The following TACC2 variants were observed in gnomAD, a reference collection of about 807,000 sequenced individuals.
TACC2 encodes the protein transforming acidic coiled-coil-containing protein 2.
TACC2 carries 137 observed loss-of-function variants against 227.3 expected under a neutral mutation model. The ratio of observed to expected loss-of-function variants is 0.60; its 90% CI spans 0.52 to 0.69. TACC2 has a LOEUF of 0.69. Ranked by LOEUF, TACC2 falls within the 30% of genes least tolerant of loss-of-function variation. The pLI, the probability that TACC2 is intolerant of heterozygous loss-of-function variation, is 0.00. For missense variants in TACC2, 3,470 were observed against 3,694.4 expected, an observed-to-expected ratio of 0.94 and a Z score of 1.57; for synonymous variants, 1,523 against 1,487.5, an observed-to-expected ratio of 1.02 and a Z score of -0.55.
At chr10:122,204,873 A>G (rs1160993716) in intron 8 of TACC2, among the ~76,000 whole-genome samples, 1 of 151,334 alleles carries the variant, frequency 6.6e-6, no homozygotes, top group Non-Finnish European at 1.5e-5. Context: ...TGGAGCCAGG[A>G]TCAGCCCAGG....
rs187236686 is a variant in TACC2, at chr10:122,101,058, T to G, written c.5573+12467T>G. Among the ~76,000 whole-genome samples the G allele has an allele frequency of 3.1e-3, 477 of 152,316 alleles. 3 individuals carry two copies. Among genetic ancestry groups the G allele is most frequent in the African/African-American group, 9.0e-3 (372 of 41,564 alleles). On this transcript the variant is annotated intron_variant, in intron 5 of 22. Transcript: ENST00000369005. ...TCCTTTCTGTAGCCTGACAATAATTTTAAGACAGGGGCAAGTGTATTACAG... is the reference window on the plus strand; with the variant it reads ...TCCTTTCTGTAGCCTGACAATAATTGTAAGACAGGGGCAAGTGTATTACAG...
chr10:122,037,384 A>G (rs1315771357), intron 2 of TACC2, among the ~76,000 whole-genome samples: 4 of 152,192 alleles, frequency 2.6e-5, no homozygotes, highest in Non-Finnish European at 4.4e-5. Flanking sequence ...TTGAGCCTGT[A>G]TGCTCACTCA....
At chr10:122,136,087 G>A (rs770802916) in intron 6 of TACC2, among the ~76,000 whole-genome samples, 3 of 152,194 alleles carry the variant, frequency 2.0e-5, no homozygotes, top group Non-Finnish European at 2.9e-5. Flanking sequence ...AGCACACATG[G>A]AACAAGGTTA....
At chr10:122,214,457 G>A (rs1276071347) in intron 9 of TACC2, among the ~76,000 whole-genome samples, 1 of 152,140 alleles carries the variant, frequency 6.6e-6, no homozygotes, top group African/African-American at 2.4e-5. Flanking sequence ...AAGCAGGGGA[G>A]GGTGGTGGGA....
intron 18 of TACC2, among the ~76,000 whole-genome samples, chr10:122,241,359 A>G (rs748125270): frequency 3.9e-5 from 6 of 152,142 alleles, no homozygotes; most frequent in Admixed American, 6.5e-5. Flanking sequence ...TGGCACAATC[A>G]TAGCTCACTG....
chr10:122,118,122 C>T (rs1290733065), intron 5 of TACC2, among the ~76,000 whole-genome samples: 1 of 150,472 alleles, frequency 6.6e-6, no homozygotes. Flanking sequence ...TCAAACTGTT[C>T]TCCTGCTTCA....
rs61493992 is a variant in TACC2 at position 122,141,347 on chromosome 10, G to A, written c.5700-2225G>A. On this transcript the variant is annotated intron_variant, in intron 6 of 22. Coordinates refer to ENST00000369005, the MANE Select transcript of TACC2 (RefSeq NM_206862.4). This position sits in a 1 kb window ranked among gnomAD's most constrained non-coding sequence, Gnocchi z 4.3. ...CAACAGGCGGTGGAAGGAGGGGGGC[G>A]CCTTTCTTAAATGAGCTGTTGAGTC... is the stretch of plus-strand genomic sequence containing the variant. Among the ~76,000 whole-genome samples the A allele has an allele frequency of 5.3e-5, 8 of 152,256 alleles. No homozygotes were observed. In the East Asian group the frequency reaches 1.2e-3, roughly 22 times the overall value.
intron 16 of TACC2, among the ~76,000 whole-genome samples, chr10:122,232,633 G>T (rs954131746): frequency 2.6e-5 from 4 of 152,170 alleles, no homozygotes; most frequent in Admixed American, 2.6e-4. Context: ...AGAGTAACTT[G>T]TATTGCTTTT....
Position 122,196,933 on chromosome 10 carries a change from CAAAAAAAAAAAA to C in TACC2, c.5971+1764_5971+1775del, listed in dbSNP as rs58473562. On this transcript the variant is annotated intron_variant, in intron 8 of 22. Transcript: ENST00000369005. ...CCTGGGTGACAGAGCGAGTCCGTCT[CAAAAAAAAAAAA>C]AAAAAACAAAAAAACAAAGAATAAA... 6.4e-5 allele frequency among the ~76,000 whole-genome samples: 5 copies of C among 78,240 alleles called. No homozygotes were observed. In the East Asian group the frequency reaches 1.8e-3, roughly 28 times the overall value. 51.3% of individuals were successfully genotyped at this position (78,240 alleles called of 152,430 possible).
Position 122,087,194 on chromosome 10 carries a change from C to T in TACC2, c.4694C>T (p.Ala1565Val), listed in dbSNP as rs748652112. ...ELASGLPSPA[A>V]TQELPVERAA... ...GCTTCAGGTCTTCCTTCACCAGCAGCTACTCAGGAGCTCCCTGTGGAGAGA... is the reference window on the plus strand; with the variant it reads ...GCTTCAGGTCTTCCTTCACCAGCAGTTACTCAGGAGCTCCCTGTGGAGAGA... Residue 1565 changes from alanine to valine, a missense_variant, in exon 4 of 23, where the codon GCT becomes GTT. Ala to Val is a moderately conservative substitution (Grantham distance 64). Transcript: ENST00000369005. The T allele has an allele frequency of 6.2e-7, 1 of 1,611,948 alleles. No homozygotes were observed. The highest frequency in any genetic ancestry group is 1.3e-5 in the African/African-American group (1 of 75,008).
Position 122,215,459 on chromosome 10 carries a change from G to T in TACC2, c.7344+8G>T, listed in dbSNP as rs1174667303. On this transcript the variant is annotated splice_region_variant and intron_variant, in intron 10 of 22. Transcript: ENST00000369005. ...TCTGATCCACCTTCCCAGGTACAGTGTTCCTTTGATCTTGATGGTTTTATG... is the reference window on the plus strand; with the variant it reads ...TCTGATCCACCTTCCCAGGTACAGTTTTCCTTTGATCTTGATGGTTTTATG... 6 of 1,613,402 alleles carry T rather than the reference G, an allele frequency of 3.7e-6. No individual in the cohort carries two copies. The South Asian group carries it at 6.6e-5, about 18-fold the overall frequency.
At chr10:122,070,045 A>T (rs1436540961) in intron 3 of TACC2, among the ~76,000 whole-genome samples, 2 of 152,142 alleles carry the variant, frequency 1.3e-5, no homozygotes, top group African/African-American at 2.4e-5. Context: ...CCCAGTTTAG[A>T]TTAATGGGAT....
At chr10:122,036,618 A>G (rs1960489813) in intron 2 of TACC2, among the ~76,000 whole-genome samples, 1 of 151,322 alleles carries the variant, frequency 6.6e-6, no homozygotes, top group African/African-American at 2.4e-5. Context: ...CTCATGCCTC[A>G]GCCTCCCGAG....
At chr10:122,078,328 A>T (rs906039398) in intron 3 of TACC2, among the ~76,000 whole-genome samples, 1 of 151,552 alleles carries the variant, frequency 6.6e-6, no homozygotes, top group African/African-American at 2.4e-5. Flanking sequence ...CTGGTCGTGC[A>T]GGGGCCATGT....
chr10:122,094,115 T>C (rs1397578659), intron 5 of TACC2, among the ~76,000 whole-genome samples: 3 of 152,200 alleles, frequency 2.0e-5, no homozygotes, highest in Non-Finnish European at 4.4e-5. Context: ...ATTGTGTTCT[T>C]ATCAATAGCT....
chr10:122,048,972 C>G (rs1444786698), intron 2 of TACC2, among the ~76,000 whole-genome samples: 1 of 152,186 alleles, frequency 6.6e-6, no homozygotes, highest in Non-Finnish European at 1.5e-5. Context: ...CTGTAGAACT[C>G]AGAATTTTTA....
At chr10:122,181,696 G>A (rs1389724901) in intron 7 of TACC2, among the ~76,000 whole-genome samples, 1 of 152,174 alleles carries the variant, frequency 6.6e-6, no homozygotes, top group Non-Finnish European at 1.5e-5. Flanking sequence ...TATATTAAGT[G>A]CTTTAATTTA....
At chr10:122,017,662 C>CAA (rs1457939805) in intron 1 of TACC2, among the ~76,000 whole-genome samples, 5 of 151,558 alleles carry the variant, frequency 3.3e-5, no homozygotes, top group African/African-American at 1.2e-4. Context: ...GCTTAAAATA[C>CAA]AAAAGTTAGT....
intron 16 of TACC2, among the ~76,000 whole-genome samples, chr10:122,232,769 T>C (rs1472653590): frequency 6.6e-6 from 1 of 152,164 alleles, no homozygotes; most frequent in Non-Finnish European, 1.5e-5. Context: ...CTTTTTCATA[T>C]AGAAAGATTG....
Sources: allele counts gnomAD v4.1 joint callset (sites outside exome capture counted in the v4.1 genomes callset), GRCh38; gene constraint gnomAD v4.1.1; non-coding constraint Gnocchi (gnomAD v3.1); transcripts MANE v1.5; gene names NCBI Gene and HGNC (gene_info 2026-07-23, HGNC 2026-07-21).